Variants in USP15 observed in about 807,000 individuals in gnomAD.
USP15 encodes the protein ubiquitin specific peptidase 15.
USP15 carries 18 observed loss-of-function variants against 127.1 expected under a neutral mutation model. The ratio of observed to expected loss-of-function variants is 0.14; its 90% CI spans 0.10 to 0.21. The LOEUF (loss-of-function observed/expected upper bound fraction) is 0.21. USP15 is among the 10% of genes least tolerant of loss of function. USP15 has a pLI of 1.00. For synonymous variants in USP15, 364 were observed against 393.7 expected, an observed-to-expected ratio of 0.92 and a Z score of 0.89; for missense variants, 805 against 1,159.9, an observed-to-expected ratio of 0.69 and a Z score of 4.44.
chr12:62,404,049 T>G (rs2067785097), intron 21 of USP15, 144 bp from the exon 22 acceptor site: 1 of 1,033,568 alleles, frequency 9.7e-7, no homozygotes, highest in Non-Finnish European at 1.3e-6. Flanking sequence ...TTTAATGAAT[T>G]TTAGTAACTT....
chr12:62,335,103 T>A, intron 6 of USP15: 2 of 1,496,778 alleles, frequency 1.3e-6, no homozygotes, highest in Non-Finnish European at 1.8e-6. Context: ...TAATTCTAGG[T>A]AAGTGGTTTG....
chr12:62,304,032 T>G (rs2064402889), intron 3 of USP15, among the ~76,000 whole-genome samples: 1 of 151,384 alleles, frequency 6.6e-6, no homozygotes, highest in African/African-American at 2.5e-5. Context: ...AAGGAAAATT[T>G]GTGTCCAAAA....
Position 62,408,093 on chromosome 12 carries a change from T to G in USP15, c.*3718T>G, listed in dbSNP as rs1369852872. ...TGGGGTTTTTTATGAACTAATTTGA[T>G]TGAAGTGAGTTTATCTTATAAAATA... is the stretch of plus-strand genomic sequence containing the variant. On this transcript the variant is annotated 3_prime_UTR_variant, in exon 22 of 22. Coordinates refer to ENST00000280377, the MANE Select transcript of USP15 (RefSeq NM_001252078.2). The G allele has an allele frequency of 6.6e-6, 1 of 152,082 alleles. No homozygotes were observed. The highest frequency in any genetic ancestry group is 1.5e-5 in the Non-Finnish European group (1 of 68,018). 9.4% of individuals were successfully genotyped at this position (152,082 alleles called of 1,614,324 possible).
In USP15 at chr12:62,294,161, A is replaced by G. The variant is rs1000255276; in HGVS notation, c.90-18A>G. The G allele has an allele frequency of 1.9e-6, 3 of 1,608,376 alleles. No homozygotes were observed. The highest frequency in any genetic ancestry group is 1.1e-5 in the South Asian group (1 of 90,244). ...TATTTTCAGGTATTTTCCTTAACCA[A>G]TTTCTTTTATTTTTTAGGTACCTAG... On this transcript the variant is annotated intron_variant, in intron 1 of 21. Transcript: ENST00000280377.
intron 15 of USP15, 78 bp from the exon 16 acceptor site, chr12:62,391,079 A>T (rs1355469636): frequency 9.3e-6 from 14 of 1,504,662 alleles, no homozygotes; most frequent in African/African-American, 4.3e-5. Context: ...AAATACCTGG[A>T]AACCTAGGAT....
In USP15 at chr12:62,410,815, A is replaced by G. The variant is rs1411657443; in HGVS notation, c.*6440A>G. ...TTTTTAGCAAAGGAATTAATAACTA[A>G]TAGCATTGATGAGTCAAGTTAATAT... On this transcript the variant is annotated 3_prime_UTR_variant, in exon 22 of 22. Coordinates refer to ENST00000280377, the MANE Select transcript of USP15 (RefSeq NM_001252078.2). 6.6e-6 allele frequency: 1 copy of G among 151,604 alleles called. No individual in the cohort carries two copies. The allele number at this position is 151,604 out of a possible 1,614,324, so 9.4% of individuals were successfully genotyped here.
chr12:62,333,110 C>T (rs1471020620), intron 6 of USP15, among the ~76,000 whole-genome samples: 2 of 152,170 alleles, frequency 1.3e-5, no homozygotes, highest in Admixed American at 6.5e-5. Context: ...GATGCATAGA[C>T]TCATTTGGTT....
chr12:62,344,271 A>C (rs1211592470), intron 6 of USP15, among the ~76,000 whole-genome samples: 1 of 152,210 alleles, frequency 6.6e-6, no homozygotes, highest in African/African-American at 2.4e-5. Context: ...CAGCCATTCC[A>C]AATGGGAGAA....
At chr12:62,318,892 A>G (rs1337707783) in intron 4 of USP15, among the ~76,000 whole-genome samples, 3 of 152,124 alleles carry the variant, frequency 2.0e-5, no homozygotes, top group Non-Finnish European at 2.9e-5. Context: ...CTTCTTAGCA[A>G]TTCCTTCAGA....
intron 6 of USP15, among the ~76,000 whole-genome samples, chr12:62,338,646 A>G (rs1475083485): frequency 1.3e-5 from 2 of 151,578 alleles, no homozygotes; most frequent in Admixed American, 6.6e-5. Flanking sequence ...TTAATTTTTT[A>G]TAAGGTATAA....
chr12:62,296,005 C>A (rs2064117552), intron 2 of USP15, among the ~76,000 whole-genome samples: 1 of 152,188 alleles, frequency 6.6e-6, no homozygotes, highest in African/African-American at 2.4e-5. Context: ...TTTTCTCTGT[C>A]TGGTGGCAAA....
intron 1 of USP15, among the ~76,000 whole-genome samples, chr12:62,262,682 G>T (rs1469992959): frequency 6.6e-6 from 1 of 152,028 alleles, no homozygotes; most frequent in Non-Finnish European, 1.5e-5. Flanking sequence ...TGCGTGTATA[G>T]CTGTATAGGT....
At chr12:62,362,957 G>T (rs146774676) in intron 8 of USP15, among the ~76,000 whole-genome samples, 7 of 152,154 alleles carry the variant, frequency 4.6e-5, no homozygotes, top group Non-Finnish European at 1.0e-4. Flanking sequence ...CCAAAAACAT[G>T]TGCAAAGCCA....
In USP15 at chr12:62,314,855, A is replaced by G. The variant is rs547077774; in HGVS notation, c.414A>G (p.Leu138=). Residue 138 remains leucine (L), a synonymous_variant, in exon 4 of 22, where the codon CTA becomes CTG. Coordinates refer to ENST00000280377, the MANE Select transcript of USP15 (RefSeq NM_001252078.2). ...KVEVYLTELK[L]CENGNMNNVV... ...AAGTATATCTCACAGAATTGAAGCT[A>G]TGTGAAAATGGAAACATGAATAATG... The G allele has an allele frequency of 4.2e-5, 67 of 1,599,790 alleles. No individual in the cohort carries two copies. The highest frequency in any genetic ancestry group is 6.7e-5 in the South Asian group (6 of 88,970).
In USP15 at chr12:62,407,209, G is replaced by A. The variant is rs966464380; in HGVS notation, c.*2834G>A. 5 of 152,176 alleles carry A rather than the reference G, an allele frequency of 3.3e-5. No homozygotes were observed. Among genetic ancestry groups the A allele is most frequent in the African/African-American group, 1.2e-4 (5 of 41,430 alleles). The allele number at this position is 152,176 out of a possible 1,614,324, so 9.4% of individuals were successfully genotyped here. On this transcript the variant is annotated 3_prime_UTR_variant, in exon 22 of 22. Transcript: ENST00000280377. The stretch of plus-strand genomic sequence containing the variant: ...TTAATCCCACAACAGCTATGAGGTA[G>A]GGATAGTTGTCATCCCCATTTTTCA...
At chr12:62,327,711 G>C (rs757703683) in intron 6 of USP15, 3 of 429,324 alleles carry the variant, frequency 7.0e-6, no homozygotes, top group South Asian at 5.1e-5. Flanking sequence ...GGCTTTGTGT[G>C]AAAGAAAACA....
chr12:62,301,840 G>A (rs1450598337), intron 2 of USP15, among the ~76,000 whole-genome samples: 1 of 152,092 alleles, frequency 6.6e-6, no homozygotes, highest in East Asian at 1.9e-4. Flanking sequence ...TTCCGTATCT[G>A]TTAATTAAGA....
rs2067306449 is a variant in USP15, at chr12:62,390,909, C to G, written c.1890C>G (p.Ser630=). Residue 630 remains serine (S), a synonymous_variant, in exon 15 of 22, where the codon TCC becomes TCG. Coordinates refer to ENST00000280377, the MANE Select transcript of USP15 (RefSeq NM_001252078.2). ...ISTETEETEG[S]LHCCKDQNIN... is the part of the protein sequence containing the mutation. ...CTGAAACTGAAGAAACTGAAGGATC[C>G]CTACACTGCTGTAAGGACCAAAATA... The G allele has an allele frequency of 1.2e-6, 2 of 1,612,328 alleles. No individual in the cohort carries two copies. Among genetic ancestry groups the G allele is most frequent in the Non-Finnish European group, 1.7e-6 (2 of 1,179,102 alleles).
intron 8 of USP15, among the ~76,000 whole-genome samples, chr12:62,359,911 AATAAT>A (rs2137469052): frequency 6.6e-6 from 1 of 152,196 alleles, no homozygotes; most frequent in Admixed American, 6.5e-5. Context: ...CATTGGTTCA[AATAAT>A]ATAATAAGAT....
Sources: gnomAD v4.1 joint callset for allele counts (sites outside exome capture counted in the v4.1 genomes callset) on GRCh38, gnomAD v4.1.1 for gene constraint, MANE v1.5 for transcripts, NCBI Gene and HGNC (gene_info 2026-07-23, HGNC 2026-07-21) for gene names.